Variants in OTOGL observed in about 807,000 individuals in gnomAD.
The protein encoded by OTOGL is otogelin-like protein.
OTOGL carries 285 observed loss-of-function variants against 318.5 expected under a neutral mutation model. The ratio of observed to expected loss-of-function variants is 0.89; its 90% CI spans 0.81 to 0.99. The LOEUF (loss-of-function observed/expected upper bound fraction) is 0.99, where lower values mean the gene tolerates loss of function less well. OTOGL is among the 50% of genes least tolerant of loss of function. The pLI is 0.00. For synonymous variants in OTOGL, 987 were observed against 936.5 expected, an observed-to-expected ratio of 1.05 and a Z score of -0.99; for missense variants, 2,899 against 2,845.6, an observed-to-expected ratio of 1.02 and a Z score of -0.43.
Position 80,239,320 on chromosome 12 carries a change from T to C in OTOGL, c.946-13T>C. The C allele has an allele frequency of 6.4e-7, 1 of 1,565,580 alleles. No individual in the cohort carries two copies. Among genetic ancestry groups the C allele is most frequent in the Non-Finnish European group, 8.7e-7 (1 of 1,144,522 alleles). On this transcript the variant is annotated splice_polypyrimidine_tract_variant and intron_variant, in intron 10 of 58. Transcript: ENST00000547103. The stretch of plus-strand genomic sequence containing the variant: ...GAAACATAGTCTAGTGACTGCCATC[T>C]TTTTTTGCACAGGCAATCTTCTTCA...
At chr12:80,148,152 T>A (rs1380918874) in intron 1 of OTOGL, among the ~76,000 whole-genome samples, 1 of 151,890 alleles carries the variant, frequency 6.6e-6, no homozygotes, top group African/African-American at 2.4e-5. Flanking sequence ...CTAGTCTCGA[T>A]GGTCTTTACA....
At chr12:80,187,128 G>C (rs1187941481) in intron 1 of OTOGL, among the ~76,000 whole-genome samples, 30 of 152,206 alleles carry the variant, frequency 2.0e-4, no homozygotes. Context: ...AGAGCTCCAA[G>C]AATCTTCAGG....
intron 22 of OTOGL, among the ~76,000 whole-genome samples, chr12:80,268,611 C>G (rs1470462373): frequency 1.3e-5 from 2 of 152,136 alleles, no homozygotes; most frequent in African/African-American, 4.8e-5. Context: ...ATTATTCACA[C>G]AGTTTCCCAA....
At chr12:80,197,962 A>ATT (rs767872244) in intron 1 of OTOGL, among the ~76,000 whole-genome samples, 5 of 148,850 alleles carry the variant, frequency 3.4e-5, no homozygotes, top group Admixed American at 6.7e-5. Flanking sequence ...CAAACTTTCT[A>ATT]TTTTTTTTTT....
At chr12:80,121,663 A>G (rs1452536118) in intron 1 of OTOGL, among the ~76,000 whole-genome samples, 1 of 152,206 alleles carries the variant, frequency 6.6e-6, no homozygotes, top group Non-Finnish European at 1.5e-5. Flanking sequence ...AATTGACACT[A>G]AAACACTTCT....
intron 55 of OTOGL, among the ~76,000 whole-genome samples, chr12:80,368,951 T>A (rs1890719401): frequency 6.6e-6 from 1 of 151,740 alleles, no homozygotes; most frequent in African/African-American, 2.4e-5. Context: ...CAATTGACAT[T>A]TTTCTAACCT....
At chr12:80,140,899 C>A (rs968381354) in intron 1 of OTOGL, among the ~76,000 whole-genome samples, 1 of 151,930 alleles carries the variant, frequency 6.6e-6, no homozygotes, top group South Asian at 2.1e-4. Context: ...GATTTTTTCC[C>A]ACATTTATGA....
intron 11 of OTOGL, among the ~76,000 whole-genome samples, chr12:80,249,708 C>A (rs11503511): frequency 0.046 from 7,037 of 152,092 alleles, 551 homozygotes; most frequent in African/African-American, 0.16. Flanking sequence ...TCGAGCTTCC[C>A]GGCTGCTTTG....
At chr12:80,136,250 C>T (rs2137130519) in intron 1 of OTOGL, among the ~76,000 whole-genome samples, 1 of 152,240 alleles carries the variant, frequency 6.6e-6, no homozygotes, top group East Asian at 1.9e-4. Flanking sequence ...TTCCTCAAAA[C>T]CACTCTTCTC....
intron 17 of OTOGL, among the ~76,000 whole-genome samples, chr12:80,257,315 T>G (rs2137527306): frequency 6.6e-6 from 1 of 151,656 alleles, no homozygotes; most frequent in East Asian, 1.9e-4. Flanking sequence ...AAGTTTTTTT[T>G]TTTTTGGTAC....
intron 26 of OTOGL, among the ~76,000 whole-genome samples, chr12:80,295,873 T>A (rs950317838): frequency 6.6e-6 from 1 of 152,198 alleles, no homozygotes; most frequent in Non-Finnish European, 1.5e-5. Flanking sequence ...TTAAAACTTT[T>A]AAGGAACCAG....
chr12:80,140,612 A>G (rs1484721635), intron 1 of OTOGL, among the ~76,000 whole-genome samples: 10 of 152,174 alleles, frequency 6.6e-5, no homozygotes. Flanking sequence ...TGGGCAAGTT[A>G]CTTCATCTCT....
chr12:80,195,682 C>T (rs911375525), intron 1 of OTOGL, among the ~76,000 whole-genome samples: 2 of 152,140 alleles, frequency 1.3e-5, no homozygotes, highest in Non-Finnish European at 2.9e-5. Flanking sequence ...ATAGACAATG[C>T]CCTATCATGG....
chr12:80,157,117 T>C (rs1873174847), intron 1 of OTOGL, among the ~76,000 whole-genome samples: 1 of 152,176 alleles, frequency 6.6e-6, no homozygotes, highest in Non-Finnish European at 1.5e-5. Context: ...TGCTTGTTTT[T>C]TGGATATAAG....
intron 44 of OTOGL, among the ~76,000 whole-genome samples, chr12:80,351,810 A>G (rs1213128628): frequency 6.6e-6 from 1 of 152,202 alleles, no homozygotes; most frequent in Admixed American, 6.5e-5. Flanking sequence ...TAGGAAAAAA[A>G]TGAGTAATTA....
chr12:80,183,679 G>C (rs1875089563), intron 1 of OTOGL, among the ~76,000 whole-genome samples: 4 of 152,202 alleles, frequency 2.6e-5, no homozygotes, highest in Admixed American at 2.6e-4. Context: ...GATTCCATGA[G>C]CTTTAGAGCA....
intron 9 of OTOGL, among the ~76,000 whole-genome samples, chr12:80,235,346 TC>T (rs1275712496): frequency 1.3e-5 from 2 of 150,782 alleles, no homozygotes; most frequent in Non-Finnish European, 2.9e-5. Flanking sequence ...ACACCTATAA[TC>T]CCAGCTACTT....
chr12:80,253,389 G>A (rs1881743159), intron 13 of OTOGL, 77 bp from the exon 14 acceptor site: 3 of 1,308,048 alleles, frequency 2.3e-6, no homozygotes, highest in Middle Eastern at 1.9e-4. Flanking sequence ...AACAGAAGTT[G>A]GTTGAATTAT....
chr12:80,131,376 T>C (rs535239943), intron 1 of OTOGL, among the ~76,000 whole-genome samples: 1 of 152,234 alleles, frequency 6.6e-6, no homozygotes, highest in African/African-American at 2.4e-5. Context: ...AAAGGGAGAA[T>C]AGAATATTGT....
Sources: gnomAD v4.1 joint callset for allele counts (sites outside exome capture counted in the v4.1 genomes callset) on GRCh38, gnomAD v4.1.1 for gene constraint, MANE v1.5 for transcripts, NCBI Gene and HGNC (gene_info 2026-07-23, HGNC 2026-07-21) for gene names.